Variants in WWOX observed in about 807,000 individuals in gnomAD.
WWOX encodes WW domain-containing oxidoreductase.
WWOX carries 69 observed loss-of-function variants against 46.2 expected under a neutral mutation model. The ratio of observed to expected loss-of-function variants is 1.49; its 90% CI spans 1.23 to 1.82. WWOX has a LOEUF of 1.82. Among genes scored for constraint, WWOX ranks in the 40% most tolerant of loss-of-function variants. WWOX has a pLI of 0.00. For missense variants in WWOX, 919 were observed against 542.6 expected (o/e 1.69, Z -6.89); for synonymous variants, 359 against 202.6 (o/e 1.77, Z -6.56).
chr16:78,513,218 T>C (rs1189649655), intron 8 of WWOX, among the ~76,000 whole-genome samples: 1 of 152,220 alleles, frequency 6.6e-6, no homozygotes, highest in East Asian at 1.9e-4. Context: ...GACAAATTAA[T>C]AAAATAAATT....
At chr16:78,216,850 G>A (rs1408806187) in intron 5 of WWOX, among the ~76,000 whole-genome samples, 2 of 152,080 alleles carry the variant, frequency 1.3e-5, no homozygotes, top group Non-Finnish European at 2.9e-5. Flanking sequence ...TCCTGCCTCA[G>A]CCTCCTGAGT....
At chr16:79,085,564 A>T (rs2048839003) in intron 8 of WWOX, among the ~76,000 whole-genome samples, 1 of 152,188 alleles carries the variant, frequency 6.6e-6, no homozygotes, top group African/African-American at 2.4e-5. Flanking sequence ...CAACTTTCTC[A>T]ATAGGTTGAG....
At chr16:78,359,987 A>G (rs1304553247) in intron 5 of WWOX, among the ~76,000 whole-genome samples, 1 of 152,212 alleles carries the variant, frequency 6.6e-6, no homozygotes, top group East Asian at 1.9e-4. Context: ...ATAATTTTAA[A>G]TGAGCTTAGC....
intron 5 of WWOX, among the ~76,000 whole-genome samples, chr16:78,245,032 T>G (rs942080096): frequency 6.6e-6 from 1 of 152,258 alleles, no homozygotes; most frequent in Non-Finnish European, 1.5e-5. Flanking sequence ...TTGTTACAAT[T>G]GTGGCATATG....
intron 8 of WWOX, among the ~76,000 whole-genome samples, chr16:78,870,881 C>T (rs2044113116): frequency 6.6e-6 from 1 of 152,156 alleles, no homozygotes; most frequent in South Asian, 2.1e-4. Context: ...GGATTATAGG[C>T]ATGAGCCACC....
At chr16:78,277,210 G>A (rs992836467) in intron 5 of WWOX, among the ~76,000 whole-genome samples, 3 of 152,152 alleles carry the variant, frequency 2.0e-5, no homozygotes, top group African/African-American at 7.2e-5. Context: ...AAAAAAGGGG[G>A]ATGGCAGAGA....
chr16:78,168,826 A>G (rs186905596), intron 5 of WWOX, among the ~76,000 whole-genome samples: 277 of 152,338 alleles, frequency 1.8e-3, no homozygotes, highest in African/African-American at 6.2e-3. Context: ...AACACATTCC[A>G]TATAGAAGTA....
intron 8 of WWOX, among the ~76,000 whole-genome samples, chr16:78,732,051 A>T (rs983727483): frequency 1.3e-5 from 2 of 151,918 alleles, no homozygotes; most frequent in Non-Finnish European, 2.9e-5. Context: ...TTTTGTAGAG[A>T]AAGGGTCTTG....
In WWOX at chr16:78,811,324, A is replaced by C. The variant is rs539860701; in HGVS notation, c.1056+378572A>C. ...ATAGGCTCTCTGGGTTGGATAAATCACTTCGGGGAATTATATCTACTAGTA... is the reference window on the plus strand; with the variant it reads ...ATAGGCTCTCTGGGTTGGATAAATCCCTTCGGGGAATTATATCTACTAGTA... On this transcript the variant is annotated intron_variant, in intron 8 of 8. Coordinates refer to ENST00000566780, the MANE Select transcript of WWOX (RefSeq NM_016373.4). Among the ~76,000 whole-genome samples, 5 of 152,280 alleles carry C rather than the reference A, an allele frequency of 3.3e-5. No individual in the cohort carries two copies. In the South Asian group the frequency reaches 1.0e-3, roughly 32 times the overall value.
At chr16:78,482,144 C>G (rs979769232) in intron 8 of WWOX, among the ~76,000 whole-genome samples, 8 of 152,118 alleles carry the variant, frequency 5.3e-5, no homozygotes, top group Non-Finnish European at 8.8e-5. Flanking sequence ...GGCTTCATGT[C>G]TTTTTACATC....
intron 8 of WWOX, among the ~76,000 whole-genome samples, chr16:79,061,036 C>G (rs997865282): frequency 1.3e-5 from 2 of 152,154 alleles, no homozygotes; most frequent in African/African-American, 2.4e-5. Flanking sequence ...GGAATTCAGA[C>G]TTATACACTC....
chr16:78,285,852 A>G (rs766347835), intron 5 of WWOX, among the ~76,000 whole-genome samples: 50 of 152,208 alleles, frequency 3.3e-4, no homozygotes, highest in Non-Finnish European at 6.3e-4. Flanking sequence ...GTGTTTTCAC[A>G]TCAAAGAACA....
At chr16:78,720,298 G>T (rs1005818700) in intron 8 of WWOX, among the ~76,000 whole-genome samples, 2 of 145,358 alleles carry the variant, frequency 1.4e-5, no homozygotes, top group African/African-American at 2.8e-5. Flanking sequence ...GAACCTGACG[G>T]TTATATAGAT....
At chr16:78,835,299 TTAAC>T (rs1413423362) in intron 8 of WWOX, among the ~76,000 whole-genome samples, 2 of 152,234 alleles carry the variant, frequency 1.3e-5, no homozygotes, top group Admixed American at 1.3e-4. Flanking sequence ...TTTTATCCCT[TTAAC>T]TACACCATTC....
At chr16:78,849,443 G>A (rs183015562) in intron 8 of WWOX, among the ~76,000 whole-genome samples, 377 of 151,734 alleles carry the variant, frequency 2.5e-3, no homozygotes, top group South Asian at 3.8e-3. Flanking sequence ...GCCTGGTGGC[G>A]GGCGCCTGTA....
At chr16:79,206,416 G>A (rs73569308) in intron 8 of WWOX, 6,262 of 152,296 alleles carry the variant, frequency 0.041, 151 homozygotes, top group Non-Finnish European at 0.054. Flanking sequence ...CTTTGGACGA[G>A]TTGCTTTTGA....
At chr16:78,114,558 G>A (rs986898543) in intron 3 of WWOX, among the ~76,000 whole-genome samples, 3 of 152,248 alleles carry the variant, frequency 2.0e-5, no homozygotes, top group East Asian at 3.9e-4. Flanking sequence ...ATCATTTTGA[G>A]TTTTCTACTT....
At chr16:78,256,925 TCTC>T (rs1207331792) in intron 5 of WWOX, among the ~76,000 whole-genome samples, 2 of 152,068 alleles carry the variant, frequency 1.3e-5, no homozygotes, top group East Asian at 1.9e-4. Context: ...GAATCCCTAA[TCTC>T]CTGCACTGTG....
chr16:79,027,196 G>C (rs559306656), intron 8 of WWOX, among the ~76,000 whole-genome samples: 1 of 150,176 alleles, frequency 6.7e-6, no homozygotes, highest in Admixed American at 6.6e-5. Flanking sequence ...GGGATAATCA[G>C]CTGAGCTGGG....
Sources: gnomAD v4.1 joint callset for allele counts (sites outside exome capture counted in the v4.1 genomes callset) on GRCh38, gnomAD v4.1.1 for gene constraint, MANE v1.5 for transcripts, NCBI Gene and HGNC (gene_info 2026-07-23, HGNC 2026-07-21) for gene names.